NRXN3: variants seen among roughly 807,000 people sequenced by gnomAD.
NRXN3 encodes the protein neurexin 3, also known as neurexin III.
A neutral mutation model predicts 137.6 loss-of-function variants in NRXN3; 32 were observed. The ratio of observed to expected loss-of-function variants is 0.23; its 90% CI spans 0.18 to 0.31. The LOEUF (loss-of-function observed/expected upper bound fraction) is 0.31. Ranked by LOEUF, NRXN3 falls within the 10% of genes least tolerant of loss-of-function variation. The pLI, the probability that NRXN3 is intolerant of heterozygous loss-of-function variation, is 1.00. For synonymous variants in NRXN3, 798 were observed against 784.5 expected (o/e 1.02, Z -0.29); for missense variants, 1,574 against 2,062.5 (o/e 0.76, Z 4.59).
intron 4 of NRXN3, among the ~76,000 whole-genome samples, chr14:78,621,414 A>G (rs1485238464): frequency 6.6e-6 from 1 of 152,212 alleles, no homozygotes. Flanking sequence ...ATCGGATCAA[A>G]TCAGTAAATT....
chr14:78,942,672 A>G (rs1047211468), intron 10 of NRXN3, among the ~76,000 whole-genome samples: 1 of 152,162 alleles, frequency 6.6e-6, no homozygotes, highest in African/African-American at 2.4e-5. Context: ...ACACAAAATT[A>G]CAGCTAGATA....
chr14:79,693,941 A>G (rs914316311), intron 18 of NRXN3, among the ~76,000 whole-genome samples: 4 of 151,920 alleles, frequency 2.6e-5, no homozygotes, highest in African/African-American at 9.7e-5. Context: ...AATTTGGGTG[A>G]GTAACATCTA....
At chr14:79,676,509 A>G (rs1292800552) in intron 17 of NRXN3, among the ~76,000 whole-genome samples, 2 of 151,872 alleles carry the variant, frequency 1.3e-5, no homozygotes, top group African/African-American at 4.8e-5. Context: ...AATGTACAAC[A>G]TAAGGACTAT....
chr14:78,791,392 C>T (rs561788317), intron 8 of NRXN3, among the ~76,000 whole-genome samples: 3 of 152,178 alleles, frequency 2.0e-5, no homozygotes, highest in Admixed American at 2.0e-4. Flanking sequence ...TGTCATAAGT[C>T]TCAAAAATTA....
chr14:79,100,216 C>T (rs2051021990), intron 15 of NRXN3, among the ~76,000 whole-genome samples: 1 of 152,176 alleles, frequency 6.6e-6, no homozygotes, highest in African/African-American at 2.4e-5. Context: ...GTTTTAGCGA[C>T]TGCAGTGACA....
chr14:78,718,663 T>C (rs1437681327), intron 8 of NRXN3, among the ~76,000 whole-genome samples: 1 of 152,232 alleles, frequency 6.6e-6, no homozygotes, highest in East Asian at 1.9e-4. Context: ...GATGAGCTAC[T>C]CTAAATCTTG....
chr14:79,486,283 T>C (rs978207570), intron 16 of NRXN3, among the ~76,000 whole-genome samples: 2 of 152,158 alleles, frequency 1.3e-5, no homozygotes, highest in Non-Finnish European at 2.9e-5. Flanking sequence ...TGTCTATACA[T>C]ACTAGAAAAA....
intron 15 of NRXN3, 119 bp downstream of exon 15, chr14:78,988,260 T>C (rs1466017356): frequency 7.8e-7 from 1 of 1,274,226 alleles, no homozygotes; most frequent in African/African-American, 1.5e-5. Flanking sequence ...AATTCTCTCC[T>C]CCAGAAACTT....
intron 15 of NRXN3, among the ~76,000 whole-genome samples, chr14:79,328,928 A>C (rs2153306914): frequency 6.6e-6 from 1 of 152,352 alleles, no homozygotes; most frequent in African/African-American, 2.4e-5. Context: ...AAAGAAAAGA[A>C]ACTGAGTTGC....
At chr14:78,736,096 C>T (rs2152916116) in intron 8 of NRXN3, among the ~76,000 whole-genome samples, 1 of 151,938 alleles carries the variant, frequency 6.6e-6, no homozygotes, top group Non-Finnish European at 1.5e-5. Context: ...CCCTATACAG[C>T]TACACACATA....
intron 10 of NRXN3, among the ~76,000 whole-genome samples, chr14:78,899,331 T>C (rs1431932473): frequency 6.6e-6 from 1 of 151,944 alleles, no homozygotes; most frequent in Non-Finnish European, 1.5e-5. Flanking sequence ...GTTCTGGTTT[T>C]CTCCAATCCT....
chr14:78,979,705 A>C (rs113211964), intron 14 of NRXN3, among the ~76,000 whole-genome samples: 77 of 152,310 alleles, frequency 5.1e-4, no homozygotes, highest in African/African-American at 1.8e-3. Context: ...AAAGAGACTT[A>C]ATGTACTCAT....
chr14:79,126,175 T>C (rs181873253), intron 15 of NRXN3, among the ~76,000 whole-genome samples: 1 of 152,142 alleles, frequency 6.6e-6, no homozygotes, highest in Non-Finnish European at 1.5e-5. Flanking sequence ...TTTATTTTTT[T>C]AAATTTATTA....
In NRXN3 at chr14:78,810,021, T is replaced by C. The variant is rs568846026; in HGVS notation, c.2249-297T>C. Among the ~76,000 whole-genome samples the C allele has an allele frequency of 3.0e-4, 14 of 46,160 alleles. No individual in the cohort carries two copies. The East Asian group carries it at 4.4e-3, about 15-fold the overall frequency. The allele number at this position is 46,160 out of a possible 152,430, so 30.3% of individuals were successfully genotyped here. ...ACTTTATATAAAAGAATAGCTTTTT[T>C]TGAAAAAAAAAAAATGTTTGGTGTC... On this transcript the variant is annotated intron_variant, in intron 9 of 20. Transcript: ENST00000335750.
chr14:79,259,210 G>A (rs1326662065), intron 15 of NRXN3, among the ~76,000 whole-genome samples: 2 of 152,172 alleles, frequency 1.3e-5, no homozygotes, highest in East Asian at 3.9e-4. Flanking sequence ...AAGGAAGGTT[G>A]TGAGCTTTTG....
In NRXN3 at chr14:79,532,101, C is replaced by T. The variant is rs148728131; in HGVS notation, c.3444+64699C>T. The stretch of plus-strand genomic sequence containing the variant: ...TTTCTATACCACTCTCTTTCCCTGC[C>T]TTCTCTTCTCAATGTTCTGAAAATC... On this transcript the variant is annotated intron_variant, in intron 16 of 20. Transcript: ENST00000335750. Among the ~76,000 whole-genome samples, 492 of 152,228 alleles carry T rather than the reference C, an allele frequency of 3.2e-3. 3 individuals carry two copies. Among genetic ancestry groups the T allele is most frequent in the African/African-American group, 0.011 (471 of 41,556 alleles).
chr14:79,155,053 T>G (rs2060137313), intron 15 of NRXN3, among the ~76,000 whole-genome samples: 1 of 151,910 alleles, frequency 6.6e-6, no homozygotes, highest in African/African-American at 2.4e-5. Flanking sequence ...TGGCATCCTA[T>G]TCATTGTCAA....
chr14:79,753,674 A>T (rs568660352), intron 19 of NRXN3, among the ~76,000 whole-genome samples: 1 of 151,782 alleles, frequency 6.6e-6, no homozygotes, highest in Non-Finnish European at 1.5e-5. Flanking sequence ...TACATATATA[A>T]CTAACCTGCA....
intron 16 of NRXN3, among the ~76,000 whole-genome samples, chr14:79,629,816 TGTGTGTGTGCGTGTGTGTGTGTGTGTGC>T (rs1283440144): frequency 0.026 from 1,988 of 76,830 alleles, 56 homozygotes; most frequent in African/African-American, 0.22. Flanking sequence ...TGTATGTGCG[TGTGTGTGTGCGTGTGTGTGTGTGTGTGC>T]GTGTGTGTGT....
Sources: allele counts gnomAD v4.1 joint callset (sites outside exome capture counted in the v4.1 genomes callset), GRCh38; gene constraint gnomAD v4.1.1; transcripts MANE v1.5; gene names NCBI Gene and HGNC (gene_info 2026-07-23, HGNC 2026-07-21).